PRKG1: variants seen among roughly 807,000 people sequenced by gnomAD.
PRKG1 encodes cGMP-dependent protein kinase 1.
A neutral mutation model predicts 88.1 loss-of-function variants in PRKG1; 35 were observed. That is an observed-to-expected ratio of 0.40 (90% CI 0.30 to 0.53). The LOEUF (loss-of-function observed/expected upper bound fraction) is 0.53. PRKG1 is among the 20% of genes least tolerant of loss of function. The probability of loss-of-function intolerance (pLI) is 0.59; values close to 1 mark genes in which losing one functional copy is unlikely to be tolerated. For synonymous variants in PRKG1, 303 were observed against 292.5 expected (o/e 1.04, Z -0.37); for missense variants, 540 against 839.8 (o/e 0.64, Z 4.41).
intron 1 of PRKG1, among the ~76,000 whole-genome samples, chr10:51,125,947 A>G (rs1387788296): frequency 7.6e-6 from 1 of 131,390 alleles, no homozygotes; most frequent in Non-Finnish European, 1.5e-5. Context: ...TTATAAATAT[A>G]CAATTTTATA....
intron 1 of PRKG1, among the ~76,000 whole-genome samples, chr10:51,076,417 C>T (rs1033467197): frequency 2.6e-5 from 4 of 152,160 alleles, no homozygotes; most frequent in East Asian, 1.9e-4. Context: ...TTTTAGCTAA[C>T]GAGGTACATG....
intron 3 of PRKG1, among the ~76,000 whole-genome samples, chr10:51,788,162 C>A (rs747797036): frequency 2.6e-5 from 4 of 152,098 alleles, no homozygotes; most frequent in Non-Finnish European, 5.9e-5. Flanking sequence ...ATGGAAGATA[C>A]CAGTGATCCT....
chr10:51,969,123 T>A (rs1420529176), intron 5 of PRKG1, among the ~76,000 whole-genome samples: 1 of 152,256 alleles, frequency 6.6e-6, no homozygotes, highest in East Asian at 1.9e-4. Flanking sequence ...TTCAGTAATA[T>A]TTGTGTGTGC....
intron 9 of PRKG1, among the ~76,000 whole-genome samples, chr10:52,223,157 A>C (rs1840291650): frequency 6.6e-6 from 1 of 152,160 alleles, no homozygotes; most frequent in Non-Finnish European, 1.5e-5. Context: ...CCCTGCTTTG[A>C]CTGCTAATCC....
chr10:51,985,539 C>T (rs1844132264), intron 5 of PRKG1, among the ~76,000 whole-genome samples: 1 of 152,142 alleles, frequency 6.6e-6, no homozygotes, highest in African/African-American at 2.4e-5. Flanking sequence ...TTGCTTCTGT[C>T]AGCTCTTGGC....
At chr10:51,551,792 C>T (rs1333948452) in intron 3 of PRKG1, among the ~76,000 whole-genome samples, 3 of 151,808 alleles carry the variant, frequency 2.0e-5, no homozygotes, top group South Asian at 2.1e-4. Flanking sequence ...TATGAAAGAT[C>T]CAATGTGCTT....
chr10:51,899,115 T>C (rs960786634), intron 4 of PRKG1, among the ~76,000 whole-genome samples: 1 of 152,152 alleles, frequency 6.6e-6, no homozygotes, highest in African/African-American at 2.4e-5. Context: ...TTTTAGTATC[T>C]TCTCTTAATA....
chr10:51,710,050 T>C (rs1841705647), intron 3 of PRKG1, among the ~76,000 whole-genome samples: 1 of 152,214 alleles, frequency 6.6e-6, no homozygotes, highest in African/African-American at 2.4e-5. Context: ...GGCACACAGT[T>C]GAACAATATG....
chr10:52,169,706 C>T (rs778777937), intron 9 of PRKG1, among the ~76,000 whole-genome samples: 6 of 152,118 alleles, frequency 3.9e-5, no homozygotes, highest in African/African-American at 1.4e-4. Context: ...GGATGGAGCC[C>T]GCCTTGCAAA....
intron 2 of PRKG1, among the ~76,000 whole-genome samples, chr10:51,360,859 T>C (rs1329884150): frequency 6.6e-6 from 1 of 151,824 alleles, no homozygotes; most frequent in East Asian, 1.9e-4. Context: ...AGGTGAGATT[T>C]GTCTCTGAAC....
At chr10:51,605,372 T>A (rs1291616650) in intron 3 of PRKG1, among the ~76,000 whole-genome samples, 1 of 152,182 alleles carries the variant, frequency 6.6e-6, no homozygotes, top group African/African-American at 2.4e-5. Context: ...CTCCCTGCCC[T>A]TCTCTACCTA....
chr10:51,072,427 C>A (rs1294112718), upstream of PRKG1, among the ~76,000 whole-genome samples: 3 of 152,096 alleles, frequency 2.0e-5, no homozygotes, highest in Non-Finnish European at 4.4e-5. Context: ...AGAATTTGGC[C>A]TTTTGCCCAG....
At chr10:52,162,630 CAGT>C (rs1838307443) in intron 9 of PRKG1, among the ~76,000 whole-genome samples, 1 of 151,992 alleles carries the variant, frequency 6.6e-6, no homozygotes, top group South Asian at 2.1e-4. Flanking sequence ...AAATTGACAA[CAGT>C]TAGCATTAAA....
At chr10:52,251,434 A>G in intron 9 of PRKG1, 136 bp from the exon 10 acceptor site, 1 of 669,946 alleles carries the variant, frequency 1.5e-6, no homozygotes, top group Non-Finnish European at 2.5e-6. Flanking sequence ...GTGTGAGAAA[A>G]CACAAACTCT....
chr10:51,168,037 T>C (rs1474103276), intron 2 of PRKG1, among the ~76,000 whole-genome samples: 1 of 152,190 alleles, frequency 6.6e-6, no homozygotes, highest in Non-Finnish European at 1.5e-5. Context: ...GATATGGATA[T>C]TCATAAATAT....
At chr10:51,409,799 A>G (rs1201625782) in intron 2 of PRKG1, among the ~76,000 whole-genome samples, 1 of 134,400 alleles carries the variant, frequency 7.4e-6, no homozygotes, top group African/African-American at 2.7e-5. Context: ...GGTTGCAGTG[A>G]TTGGAGATTG....
chr10:51,496,778 G>T (rs1564522967), intron 3 of PRKG1, among the ~76,000 whole-genome samples: 1 of 152,050 alleles, frequency 6.6e-6, no homozygotes, highest in Non-Finnish European at 1.5e-5. Context: ...GTGTGTTTTG[G>T]GTTAGTAAAA....
chr10:51,394,334 T>A (rs1837519976), intron 2 of PRKG1, among the ~76,000 whole-genome samples: 2 of 152,176 alleles, frequency 1.3e-5, no homozygotes, highest in Non-Finnish European at 2.9e-5. Flanking sequence ...AGACATGGCC[T>A]CTAGTTGTGA....
intron 3 of PRKG1, among the ~76,000 whole-genome samples, chr10:51,535,634 C>T (rs1054581182): frequency 9.4e-5 from 14 of 148,464 alleles, no homozygotes; most frequent in African/African-American, 3.5e-4. Context: ...GAGAAGGCAA[C>T]AATCAAGAAA....
Sources: allele counts gnomAD v4.1 joint callset (sites outside exome capture counted in the v4.1 genomes callset), GRCh38; gene constraint gnomAD v4.1.1; transcripts MANE v1.5; gene names NCBI Gene and HGNC (gene_info 2026-07-23, HGNC 2026-07-21).